The following OCRL variants were observed in gnomAD, a reference collection of about 807,000 sequenced individuals.
The protein encoded by OCRL is inositol polyphosphate 5-phosphatase OCRL.
Under a neutral mutation model 78.9 loss-of-function variants are expected in OCRL, and 8 were observed. The ratio of observed to expected loss-of-function variants is 0.10; its 90% confidence interval spans 0.06 to 0.18. The LOEUF is 0.18. Among genes scored for constraint, OCRL ranks in the 10% least tolerant of loss-of-function variants. The pLI is 1.00. For synonymous variants in OCRL, 240 were observed against 235.4 expected (o/e 1.02, Z -0.18); for missense variants, 454 against 696.7 (o/e 0.65, Z 3.92).
chrX:129,557,046 G>A (rs1458985898), intron 4 of OCRL, among the ~76,000 whole-genome samples: 4 of 111,433 alleles, frequency 3.6e-5, no homozygotes, highest in African/African-American at 1.3e-4. Flanking sequence ...ACGCAGGAAA[G>A]TATAATTTTA....
rs875989776 is a variant in OCRL, at chrX:129,587,121, A to G, written c.2256+3A>G. ...TATTCAAATACGCCTGTCACCAGGT[A>G]AGTGAGAGTAGACCTTCCCTACAAC... On this transcript the variant is annotated splice_donor_region_variant and intron_variant, in intron 20 of 23. Transcript: ENST00000371113. The G allele has an allele frequency of 2.8e-6, 3 of 1,088,585 alleles. No homozygotes were observed. Among genetic ancestry groups the G allele is most frequent in the Non-Finnish European group, 3.8e-6 (3 of 783,100 alleles). The allele number at this position is 1,088,585 out of a possible 1,213,427, so 89.7% of individuals were successfully genotyped here. A position where few individuals can be genotyped will look rare whatever the true frequency, so the allele number is the denominator to read the frequency against.
chrX:129,549,431 G>T (rs988465336), intron 4 of OCRL, among the ~76,000 whole-genome samples: 1 of 111,626 alleles, frequency 9.0e-6, no homozygotes, highest in African/African-American at 3.3e-5. Flanking sequence ...GGGACTAGGG[G>T]TTTACATAAC....
At chrX:129,570,909 C>T (rs925140791) in intron 15 of OCRL, among the ~76,000 whole-genome samples, 2 of 112,410 alleles carry the variant, frequency 1.8e-5, no homozygotes, top group South Asian at 3.7e-4. Context: ...CTTGAGTATG[C>T]GTGAATTTGA....
At chrX:129,579,476 T>C (rs1210727762) in intron 18 of OCRL, among the ~76,000 whole-genome samples, 3 of 111,957 alleles carry the variant, frequency 2.7e-5, no homozygotes, top group Non-Finnish European at 5.6e-5. Context: ...TCTCTCTATG[T>C]ACTGTTTTAG....
At chrX:129,586,712 G>C (rs1355137307) in intron 19 of OCRL, 2 of 421,429 alleles carry the variant, frequency 4.7e-6, no homozygotes, top group African/African-American at 4.8e-5. Flanking sequence ...CTGGTTCTCA[G>C]TGTCACCTTT....
At chrX:129,542,220 T>C (rs1000693117) in intron 2 of OCRL, among the ~76,000 whole-genome samples, 5 of 107,748 alleles carry the variant, frequency 4.6e-5, no homozygotes, top group African/African-American at 1.7e-4. Flanking sequence ...TTTGGAACTC[T>C]GTTGAGCTAA....
At chrX:129,547,089 C>T (rs765573207) in intron 3 of OCRL, among the ~76,000 whole-genome samples, 1 of 110,947 alleles carries the variant, frequency 9.0e-6, no homozygotes, top group South Asian at 3.8e-4. Context: ...ATTTGCCAGA[C>T]GTGGTGGCAG....
intron 6 of OCRL, among the ~76,000 whole-genome samples, chrX:129,558,404 C>G (rs1936093064): frequency 8.9e-6 from 1 of 112,379 alleles, no homozygotes; most frequent in African/African-American, 3.2e-5. Flanking sequence ...TTAGCTATTA[C>G]TAGTCTGTTC....
At chrX:129,555,919 C>T (rs1936040434) in intron 4 of OCRL, among the ~76,000 whole-genome samples, 1 of 111,568 alleles carries the variant, frequency 9.0e-6, no homozygotes, top group Non-Finnish European at 1.9e-5. Flanking sequence ...AAGGAGTTTT[C>T]CCTATATCTT....
At chrX:129,570,906 A>G (rs1481448714) in intron 15 of OCRL, among the ~76,000 whole-genome samples, 1 of 112,712 alleles carries the variant, frequency 8.9e-6, no homozygotes, top group Non-Finnish European at 1.9e-5. Flanking sequence ...GGACTTGAGT[A>G]TGCGTGAATT....
intron 18 of OCRL, among the ~76,000 whole-genome samples, chrX:129,577,476 T>G (rs948421875): frequency 2.7e-5 from 3 of 112,142 alleles, no homozygotes; most frequent in Non-Finnish European, 5.6e-5. Context: ...TATTCTTGGT[T>G]TTTTTACCAA....
chrX:129,589,035 A>T (rs778479099), intron 22 of OCRL, 22 bp downstream of exon 22: 2 of 1,209,726 alleles, frequency 1.7e-6, no homozygotes, highest in Non-Finnish European at 2.2e-6. Flanking sequence ...TGACCTGGGG[A>T]TGTGTTTGAC....
intron 19 of OCRL, among the ~76,000 whole-genome samples, chrX:129,586,050 C>G (rs978861689): frequency 9.0e-6 from 1 of 111,424 alleles, no homozygotes; most frequent in African/African-American, 3.3e-5. Context: ...GTTCTCTCCA[C>G]TGGGATTTTT....
chrX:129,565,750 C>T, intron 12 of OCRL, 22 bp from the exon 13 acceptor site: 1 of 1,108,441 alleles, frequency 9.0e-7, no homozygotes, highest in Non-Finnish European at 1.2e-6. Flanking sequence ...TACTTCTGTT[C>T]ATACATTTTT....
chrX:129,547,697 GA>G lies in OCRL; in HGVS notation c.200-865del, dbSNP rs752258981. On this transcript the variant is annotated intron_variant, in intron 3 of 23. Coordinates refer to ENST00000371113, the MANE Select transcript of OCRL (RefSeq NM_000276.4). ...TCGAGACTACTTTTTAGTGTTAAAGGAGTTAGTTCCTTGCCAGTTGCTTCTG... is the reference window on the plus strand; with the variant it reads ...TCGAGACTACTTTTTAGTGTTAAAGGGTTAGTTCCTTGCCAGTTGCTTCTG... 4.5e-5 allele frequency among the ~76,000 whole-genome samples: 5 copies of G among 111,152 alleles called. No individual in the cohort carries two copies. The South Asian group carries it at 1.9e-3, about 42-fold the overall frequency.
Position 129,540,338 on chromosome X carries a change from C to A in OCRL, c.-102C>A. 1 of 957,190 alleles carries A rather than the reference C, an allele frequency of 1.0e-6. No homozygotes were observed. Among genetic ancestry groups the A allele is most frequent in the Non-Finnish European group, 1.4e-6 (1 of 694,386 alleles). 78.9% of individuals were successfully genotyped at this position (957,190 alleles called of 1,213,427 possible). Reference sequence around the variant, plus strand: ...CGGCGCCCGGCGCGGAGCTGTTCCTCAAACGACACGCAGCCGAGGTGGGTG... The same window carrying A: ...CGGCGCCCGGCGCGGAGCTGTTCCTAAAACGACACGCAGCCGAGGTGGGTG... On this transcript the variant is annotated 5_prime_UTR_variant, in exon 1 of 24. Coordinates refer to ENST00000371113, the MANE Select transcript of OCRL (RefSeq NM_000276.4).
intron 19 of OCRL, among the ~76,000 whole-genome samples, chrX:129,585,185 T>TTG (rs751587290): frequency 1.0e-3 from 115 of 112,671 alleles, no homozygotes; most frequent in Non-Finnish European, 1.9e-3. Flanking sequence ...TCTCTAGACT[T>TTG]TGGAGACACA....
At chrX:129,556,805 A>G (rs999531668) in intron 4 of OCRL, among the ~76,000 whole-genome samples, 7 of 112,164 alleles carry the variant, frequency 6.2e-5, no homozygotes, top group Non-Finnish European at 1.3e-4. Context: ...TTTTCAGAAT[A>G]CTTCAAACCA....
intron 18 of OCRL, among the ~76,000 whole-genome samples, chrX:129,579,332 T>G (rs886352810): frequency 9.0e-5 from 10 of 111,460 alleles, no homozygotes; most frequent in Non-Finnish European, 1.9e-4. Flanking sequence ...AGTATTCATG[T>G]TTTTTTTCCC....
Sources: allele counts gnomAD v4.1 joint callset (sites outside exome capture counted in the v4.1 genomes callset), GRCh38; gene constraint gnomAD v4.1.1; transcripts MANE v1.5; gene names NCBI Gene and HGNC (gene_info 2026-07-23, HGNC 2026-07-21).